Variants in TNS3 observed in about 807,000 individuals in gnomAD.
TNS3 encodes the protein tensin 3.
In TNS3, 45 loss-of-function variants were observed where a neutral mutation model predicts 140.9. That is an observed-to-expected ratio of 0.32 (90% CI 0.25 to 0.41). TNS3 has a LOEUF of 0.41. TNS3 is among the 10% of genes least tolerant of loss of function. The pLI is 1.00. For synonymous variants in TNS3, 815 were observed against 788.4 expected (o/e 1.03, Z -0.56); for missense variants, 1,716 against 1,906.7 (o/e 0.90, Z 1.86).
At chr7:47,458,565 A>T (rs1196659607) in intron 4 of TNS3, among the ~76,000 whole-genome samples, 1 of 152,274 alleles carries the variant, frequency 6.6e-6, no homozygotes, top group East Asian at 1.9e-4. Flanking sequence ...AAATAAAATC[A>T]GTCTGCGCTG....
At chr7:47,361,206 C>CAAAAAAAAAAAAAAAAAAA (rs56823708) in intron 17 of TNS3, among the ~76,000 whole-genome samples, 1,338 of 47,030 alleles carry the variant, frequency 0.028, 272 homozygotes, top group East Asian at 0.055. Flanking sequence ...GTAACCATGC[C>CAAAAAAAAAAAAAAAAAAA]AAAAAAAAAA....
intron 10 of TNS3, among the ~76,000 whole-genome samples, chr7:47,420,070 G>A (rs941781889): frequency 6.6e-5 from 10 of 152,120 alleles, no homozygotes; most frequent in South Asian, 2.1e-4. Context: ...CCCATTTGTC[G>A]GTTACAGAGA....
chr7:47,322,436 C>A (rs1192200775), intron 20 of TNS3, among the ~76,000 whole-genome samples: 1 of 151,910 alleles, frequency 6.6e-6, no homozygotes, highest in African/African-American at 2.4e-5. Flanking sequence ...GCAGGAGAAT[C>A]GCTTGAACCC....
intron 4 of TNS3, among the ~76,000 whole-genome samples, chr7:47,473,214 C>T (rs1797032002): frequency 6.6e-6 from 1 of 152,308 alleles, no homozygotes; most frequent in South Asian, 2.1e-4. Flanking sequence ...ATTTTTGGGT[C>T]TCACCTGACT....
At chr7:47,342,003 A>G (rs1789045737) in intron 20 of TNS3, among the ~76,000 whole-genome samples, 1 of 152,080 alleles carries the variant, frequency 6.6e-6, no homozygotes, top group African/African-American at 2.4e-5. Context: ...TTCAGTTTCC[A>G]AGTGTTGAAG....
chr7:47,555,924 T>G (rs944846722), intron 1 of TNS3, among the ~76,000 whole-genome samples: 1 of 152,220 alleles, frequency 6.6e-6, no homozygotes, highest in Non-Finnish European at 1.5e-5. Context: ...CTGCAGTATC[T>G]CCAAAGTAAG....
At chr7:47,471,446 G>A (rs899767348) in intron 4 of TNS3, among the ~76,000 whole-genome samples, 2 of 146,776 alleles carry the variant, frequency 1.4e-5, no homozygotes, top group Admixed American at 6.6e-5. Context: ...AGGATGGAAT[G>A]GAAGGGGGTC....
chr7:47,576,386 T>A (rs151170677), intron 1 of TNS3, among the ~76,000 whole-genome samples: 1 of 152,048 alleles, frequency 6.6e-6, no homozygotes, highest in East Asian at 1.9e-4. Context: ...AGGTGACAAA[T>A]GACAAACACA....
chr7:47,389,109 C>CGGAAGCAGAAGAAGAAGAAGA lies in TNS3; in HGVS notation c.1024+7690_1024+7691insTCTTCTTCTTCTTCTGCTTCC, dbSNP rs1554310453. ...GAGGAAGAGGAAGAGGAAGCGGAAG[C>CGGAAGCAGAAGAAGAAGAAGA]AGAAGAAGAAGAAGAAGAAGAAGAA... On this transcript the variant is annotated intron_variant, in intron 16 of 30. Coordinates refer to ENST00000311160, the MANE Select transcript of TNS3 (RefSeq NM_022748.12). Among the ~76,000 whole-genome samples the CGGAAGCAGAAGAAGAAGAAGA allele has an allele frequency of 1.9e-4, 11 of 59,138 alleles. 3 individuals are homozygous for CGGAAGCAGAAGAAGAAGAAGA. Among genetic ancestry groups the CGGAAGCAGAAGAAGAAGAAGA allele is most frequent in the South Asian group, 1.3e-3 (2 of 1,510 alleles). The allele number at this position is 59,138 out of a possible 152,430, so 38.8% of individuals were successfully genotyped here. A position where few individuals can be genotyped will look rare whatever the true frequency, so the allele number is the denominator to read the frequency against.
intron 3 of TNS3, among the ~76,000 whole-genome samples, chr7:47,485,147 C>T (rs138756307): frequency 1.4e-3 from 208 of 152,292 alleles, no homozygotes; most frequent in African/African-American, 4.4e-3. Flanking sequence ...ACCCGCTGGC[C>T]TTGTGCTTTG....
At chr7:47,409,120 CAG>C (rs1428409117) in intron 13 of TNS3, among the ~76,000 whole-genome samples, 4 of 150,786 alleles carry the variant, frequency 2.7e-5, no homozygotes, top group Non-Finnish European at 5.9e-5. Context: ...AGGGAGGGAG[CAG>C]AGAGGAGGAA....
rs1409328791 is a variant in TNS3, at chr7:47,500,314, G to A, written c.-115+6593C>T. Reference sequence around the variant, plus strand: ...ACTGCCTCCGCCCTTAGAGCAAGAAGTGGGGAGGGAGGAGAAGGGATGCCC... The same window carrying A: ...ACTGCCTCCGCCCTTAGAGCAAGAAATGGGGAGGGAGGAGAAGGGATGCCC... On this transcript the variant is annotated intron_variant, in intron 3 of 30. Coordinates refer to ENST00000311160, the MANE Select transcript of TNS3 (RefSeq NM_022748.12). 4.6e-5 allele frequency among the ~76,000 whole-genome samples: 7 copies of A among 152,258 alleles called. No homozygotes were observed. In the East Asian group the frequency reaches 1.2e-3, roughly 25 times the overall value.
intron 16 of TNS3, among the ~76,000 whole-genome samples, chr7:47,388,538 G>A (rs1342693575): frequency 6.6e-6 from 1 of 152,172 alleles, no homozygotes; most frequent in African/African-American, 2.4e-5. Flanking sequence ...AAAGTGAAAA[G>A]AGATTAAGAA....
At position 47,544,861 on chromosome 7, in the gene TNS3, T is replaced by A. The variant is rs116094706; in HGVS notation, c.-264-15714A>T. Among the ~76,000 whole-genome samples, 533 of 152,118 alleles carry A rather than the reference T, an allele frequency of 3.5e-3. 4 individuals are homozygous for A. The highest frequency in any genetic ancestry group is 0.013 in the African/African-American group (519 of 41,506). ...AACTGTCTAGTTAATAGGTGCCCTG[T>A]GCTGAGGACATCATGATTTACTTTT... On this transcript the variant is annotated intron_variant, in intron 1 of 30. Coordinates refer to ENST00000311160, the MANE Select transcript of TNS3 (RefSeq NM_022748.12).
chr7:47,302,933 G>T lies in TNS3; in HGVS notation c.3457+17C>A, dbSNP rs1451228822. Reference sequence around the variant, plus strand: ...ATGGACAGAGGGGCCCTTCCAACCAGCTGGAAACACACCTACCTGGCAGAG... The same window carrying T: ...ATGGACAGAGGGGCCCTTCCAACCATCTGGAAACACACCTACCTGGCAGAG... On this transcript the variant is annotated intron_variant, in intron 22 of 30. Coordinates refer to ENST00000311160, the MANE Select transcript of TNS3 (RefSeq NM_022748.12). 6.3e-7 allele frequency: 1 copy of T among 1,581,088 alleles called. No homozygotes were observed. The highest frequency in any genetic ancestry group is 1.2e-5 in the South Asian group (1 of 85,388).
At chr7:47,482,568 G>T (rs566238339) in intron 3 of TNS3, among the ~76,000 whole-genome samples, 9 of 152,348 alleles carry the variant, frequency 5.9e-5, no homozygotes, top group Non-Finnish European at 1.2e-4. Flanking sequence ...AGACCCCATG[G>T]TTAACAGAGC....
chr7:47,463,378 A>C (rs780361215), intron 4 of TNS3, among the ~76,000 whole-genome samples: 5 of 152,234 alleles, frequency 3.3e-5, no homozygotes, highest in Non-Finnish European at 7.3e-5. Context: ...CAGGAGGCAG[A>C]GGTTGCAGTG....
chr7:47,504,230 G>A (rs533180705), intron 3 of TNS3, among the ~76,000 whole-genome samples: 1 of 152,312 alleles, frequency 6.6e-6, no homozygotes, highest in South Asian at 2.1e-4. Flanking sequence ...ATGTCCCAAC[G>A]ATGGCTCTGC....
At chr7:47,354,706 C>T (rs147932381) in intron 17 of TNS3, among the ~76,000 whole-genome samples, 4 of 152,286 alleles carry the variant, frequency 2.6e-5, no homozygotes, top group East Asian at 1.9e-4. Context: ...ACACAGACCC[C>T]GGTGATCTGC....
Sources: gnomAD v4.1 joint callset for allele counts (sites outside exome capture counted in the v4.1 genomes callset) on GRCh38, gnomAD v4.1.1 for gene constraint, MANE v1.5 for transcripts, NCBI Gene and HGNC (gene_info 2026-07-23, HGNC 2026-07-21) for gene names.